Variants in PCDH15 observed in about 807,000 individuals in gnomAD.
The protein encoded by PCDH15 is protocadherin related 15.
A neutral mutation model predicts 178.5 loss-of-function variants in PCDH15; 129 were observed. The ratio of observed to expected loss-of-function variants is 0.72; its 90% CI spans 0.63 to 0.84. The LOEUF (loss-of-function observed/expected upper bound fraction) is 0.84. PCDH15 is among the 40% of genes least tolerant of loss of function. The pLI, the probability that PCDH15 is intolerant of heterozygous loss-of-function variation, is 0.00. For synonymous variants in PCDH15, 800 were observed against 732.0 expected, an observed-to-expected ratio of 1.09 and a Z score of -1.50; for missense variants, 2,230 against 2,099.9, an observed-to-expected ratio of 1.06 and a Z score of -1.21.
At chr10:55,175,542 A>G (rs1402592694) in intron 1 of PCDH15, among the ~76,000 whole-genome samples, 1 of 151,748 alleles carries the variant, frequency 6.6e-6, no homozygotes, top group African/African-American at 2.4e-5. Flanking sequence ...GTGTGCCTAT[A>G]ATCCCAGGTA....
At chr10:54,343,369 T>C (rs770009446) in intron 6 of PCDH15, among the ~76,000 whole-genome samples, 3 of 152,126 alleles carry the variant, frequency 2.0e-5, no homozygotes, top group Non-Finnish European at 2.9e-5. Context: ...TGTAAGATGT[T>C]CCTTCCTCCC....
intron 28 of PCDH15, among the ~76,000 whole-genome samples, chr10:53,854,673 C>T (rs1489685809): frequency 6.6e-6 from 1 of 152,032 alleles, no homozygotes; most frequent in Non-Finnish European, 1.5e-5. Flanking sequence ...CTCCTAGCCA[C>T]TCTCCACCTA....
intron 3 of PCDH15, among the ~76,000 whole-genome samples, chr10:54,881,952 C>A (rs1954270428): frequency 6.6e-6 from 1 of 152,004 alleles, no homozygotes; most frequent in Non-Finnish European, 1.5e-5. Context: ...TTGAAAATAT[C>A]AGTATTGCCT....
At chr10:55,432,786 T>C (rs1318820870) in intron 2 of PCDH15, among the ~76,000 whole-genome samples, 3 of 151,030 alleles carry the variant, frequency 2.0e-5, no homozygotes, top group African/African-American at 2.4e-5. Flanking sequence ...AATATATATA[T>C]ATATATATAT....
At chr10:54,090,103 T>C (rs377649706) in intron 15 of PCDH15, 40 bp from the exon 16 acceptor site, 2 of 1,401,314 alleles carry the variant, frequency 1.4e-6, no homozygotes. Context: ...AAGTAATTGA[T>C]ATGGCGCCCA....
chr10:55,292,102 G>A (rs1257854106), intron 1 of PCDH15, among the ~76,000 whole-genome samples: 1 of 152,010 alleles, frequency 6.6e-6, no homozygotes, highest in African/African-American at 2.4e-5. Flanking sequence ...AACCAATCAT[G>A]CCTTCCCAAC....
At chr10:55,405,032 C>T (rs1283835783) in intron 2 of PCDH15, among the ~76,000 whole-genome samples, 2 of 151,240 alleles carry the variant, frequency 1.3e-5, no homozygotes, top group Non-Finnish European at 3.0e-5. Flanking sequence ...ATGTTCTGAA[C>T]TTGAACTTAG....
At chr10:53,862,876 T>G (rs989847775) in intron 27 of PCDH15, among the ~76,000 whole-genome samples, 1 of 152,182 alleles carries the variant, frequency 6.6e-6, no homozygotes, top group Admixed American at 6.5e-5. Flanking sequence ...GACACTTTCG[T>G]TGATAGGTTA....
intron 5 of PCDH15, among the ~76,000 whole-genome samples, chr10:54,365,648 G>A (rs1453345358): frequency 6.6e-6 from 1 of 152,040 alleles, no homozygotes; most frequent in Non-Finnish European, 1.5e-5. Flanking sequence ...TCACTGTCGA[G>A]AAAGATTTGT....
At chr10:55,059,881 A>C (rs1283211055) in intron 2 of PCDH15, among the ~76,000 whole-genome samples, 1 of 152,076 alleles carries the variant, frequency 6.6e-6, no homozygotes, top group Non-Finnish European at 1.5e-5. Context: ...AAAATTATAG[A>C]CATAATTTTA....
chr10:54,891,018 A>G (rs1954451549), intron 3 of PCDH15, among the ~76,000 whole-genome samples: 1 of 152,100 alleles, frequency 6.6e-6, no homozygotes, highest in South Asian at 2.1e-4. Context: ...TGAGAAAAAT[A>G]ATATCAGAAA....
chr10:55,373,686 C>T (rs1029210737), intron 2 of PCDH15, among the ~76,000 whole-genome samples: 4 of 152,028 alleles, frequency 2.6e-5, no homozygotes, highest in African/African-American at 7.2e-5. Flanking sequence ...GAAAGGTAGA[C>T]TTGTACATGG....
chr10:53,908,001 C>A (rs191559345), intron 25 of PCDH15, among the ~76,000 whole-genome samples: 40 of 152,200 alleles, frequency 2.6e-4, no homozygotes, highest in Non-Finnish European at 4.1e-4. Context: ...CAAGATGAAT[C>A]CATTTCATTT....
chr10:55,353,430 G>A (rs1052317781), intron 2 of PCDH15, among the ~76,000 whole-genome samples: 5 of 152,126 alleles, frequency 3.3e-5, no homozygotes, highest in Non-Finnish European at 7.4e-5. Context: ...AGTGGAAAGA[G>A]CAAGTGTTGG....
chr10:55,314,199 G>GTGTA (rs1242319689), intron 1 of PCDH15, among the ~76,000 whole-genome samples: 7 of 142,828 alleles, frequency 4.9e-5, no homozygotes, highest in African/African-American at 1.5e-4. Flanking sequence ...ATGTTTGTGT[G>GTGTA]TATATATATA....
intron 18 of PCDH15, among the ~76,000 whole-genome samples, chr10:54,044,248 G>T (rs1251020462): frequency 1.3e-5 from 2 of 152,056 alleles, no homozygotes; most frequent in African/African-American, 4.8e-5. Context: ...ATTCCCCAAA[G>T]GTTGTGAAAA....
intron 1 of PCDH15, among the ~76,000 whole-genome samples, chr10:55,315,040 T>C (rs896185749): frequency 5.3e-5 from 8 of 152,096 alleles, no homozygotes; most frequent in African/African-American, 1.2e-4. Flanking sequence ...ACAGAAGATA[T>C]AGTTGGTGTT....
intron 2 of PCDH15, among the ~76,000 whole-genome samples, chr10:54,911,094 C>T (rs919836880): frequency 3.9e-5 from 6 of 152,172 alleles, no homozygotes; most frequent in Admixed American, 3.9e-4. Context: ...CGCCCTAGTA[C>T]CTAATTTTTA....
At chr10:54,417,581 G>GA (rs1012134440) in intron 3 of PCDH15, among the ~76,000 whole-genome samples, 1 of 151,952 alleles carries the variant, frequency 6.6e-6, no homozygotes, top group Non-Finnish European at 1.5e-5. Flanking sequence ...AGCAAAACAG[G>GA]AAAAAATGCT....
Sources: gnomAD v4.1 joint callset for allele counts (sites outside exome capture counted in the v4.1 genomes callset) on GRCh38, gnomAD v4.1.1 for gene constraint, MANE v1.5 for transcripts, NCBI Gene and HGNC (gene_info 2026-07-23, HGNC 2026-07-21) for gene names.